Variants in GABRB1 observed in about 807,000 individuals in gnomAD.
GABRB1 encodes the protein gamma-aminobutyric acid type A receptor subunit beta1.
A neutral mutation model predicts 51.6 loss-of-function variants in GABRB1; 17 were observed. The ratio of observed to expected loss-of-function variants is 0.33; its 90% CI spans 0.23 to 0.49. The LOEUF (loss-of-function observed/expected upper bound fraction) is 0.49, where lower values mean the gene tolerates loss of function less well. GABRB1 is among the 20% of genes least tolerant of loss of function. The pLI is 0.99. For synonymous variants in GABRB1, 247 were observed against 218.9 expected, an observed-to-expected ratio of 1.13 and a Z score of -1.14; for missense variants, 410 against 600.6, an observed-to-expected ratio of 0.68 and a Z score of 3.32.
At chr4:46,996,880 T>C (rs531931271) in intron 1 of GABRB1, among the ~76,000 whole-genome samples, 43 of 152,272 alleles carry the variant, frequency 2.8e-4, no homozygotes, top group Non-Finnish European at 2.1e-4. Flanking sequence ...TAATTCTTTC[T>C]GGTAAAAATT....
chr4:47,246,299 TACACACACAC>T (rs59187371), intron 4 of GABRB1, among the ~76,000 whole-genome samples: 18 of 84,168 alleles, frequency 2.1e-4, no homozygotes, highest in Non-Finnish European at 3.9e-4. Context: ...TATATATATA[TACACACACAC>T]ACACACACAC....
At chr4:47,391,658 T>C (rs1727996840) in intron 5 of GABRB1, among the ~76,000 whole-genome samples, 1 of 152,332 alleles carries the variant, frequency 6.6e-6, no homozygotes, top group Non-Finnish European at 1.5e-5. Flanking sequence ...GACTTACCTG[T>C]AAGGCCTCTG....
At chr4:47,036,310 C>A (rs1239293708) in intron 3 of GABRB1, among the ~76,000 whole-genome samples, 1 of 152,118 alleles carries the variant, frequency 6.6e-6, no homozygotes, top group African/African-American at 2.4e-5. Flanking sequence ...TCAATTATAT[C>A]TCATTACTAT....
chr4:46,998,694 A>G (rs1251289412), intron 1 of GABRB1, among the ~76,000 whole-genome samples: 1 of 147,204 alleles, frequency 6.8e-6, no homozygotes, highest in Admixed American at 7.1e-5. Flanking sequence ...AGATTGTGCC[A>G]CTGCACTGCA....
In GABRB1 at chr4:47,152,107, C is replaced by T. The variant is rs769599921; in HGVS notation, c.241-9142C>T. Reference sequence around the variant, plus strand: ...TCTCTATGTTTTCAGGAATTATAGACTCATTCATTTTTGAGTTGTTAGAGA... The same window carrying T: ...TCTCTATGTTTTCAGGAATTATAGATTCATTCATTTTTGAGTTGTTAGAGA... On this transcript the variant is annotated intron_variant, in intron 3 of 8. Coordinates refer to ENST00000295454, the MANE Select transcript of GABRB1 (RefSeq NM_000812.4). Among the ~76,000 whole-genome samples, 145 of 151,960 alleles carry T rather than the reference C, an allele frequency of 9.5e-4. 2 individuals carry two copies. The highest frequency in any genetic ancestry group is 1.4e-3 in the Admixed American group (22 of 15,216).
At chr4:47,210,341 T>A (rs527523746) in intron 4 of GABRB1, among the ~76,000 whole-genome samples, 2 of 152,156 alleles carry the variant, frequency 1.3e-5, no homozygotes, top group Non-Finnish European at 2.9e-5. Context: ...GCAAAGCATA[T>A]GAATGAACTG....
intron 5 of GABRB1, among the ~76,000 whole-genome samples, chr4:47,343,589 C>T (rs1449179553): frequency 6.6e-6 from 1 of 152,080 alleles, no homozygotes; most frequent in African/African-American, 2.4e-5. Flanking sequence ...AAATAATGAC[C>T]TCACTGAGGA....
chr4:47,037,837 C>T (rs567178923), intron 3 of GABRB1, among the ~76,000 whole-genome samples: 6 of 152,110 alleles, frequency 3.9e-5, no homozygotes, highest in South Asian at 2.1e-4. Flanking sequence ...GCTGAGAGAG[C>T]GGGAAATGTT....
chr4:47,112,136 AT>A (rs1312918700), intron 3 of GABRB1, among the ~76,000 whole-genome samples: 1 of 151,374 alleles, frequency 6.6e-6, no homozygotes, highest in Admixed American at 6.6e-5. Flanking sequence ...TGCCTGGCTA[AT>A]TTTTTTTGTT....
chr4:47,048,162 T>C (rs1726181019), intron 3 of GABRB1, among the ~76,000 whole-genome samples: 2 of 152,126 alleles, frequency 1.3e-5, no homozygotes, highest in South Asian at 2.1e-4. Context: ...AATCCCCACA[T>C]TGTAATCACC....
chr4:47,081,664 T>A (rs767088041), intron 3 of GABRB1, among the ~76,000 whole-genome samples: 1 of 152,112 alleles, frequency 6.6e-6, no homozygotes, highest in Non-Finnish European at 1.5e-5. Context: ...TTTAATATGT[T>A]TTTATGTTTT....
intron 4 of GABRB1, among the ~76,000 whole-genome samples, chr4:47,233,108 T>C (rs1355635790): frequency 6.6e-6 from 1 of 152,152 alleles, no homozygotes; most frequent in Non-Finnish European, 1.5e-5. Context: ...ACTCCTGAGC[T>C]CAGGCAGTCC....
chr4:47,144,859 T>C (rs906770794), intron 3 of GABRB1, among the ~76,000 whole-genome samples: 3 of 151,430 alleles, frequency 2.0e-5, no homozygotes, highest in Non-Finnish European at 2.9e-5. Flanking sequence ...TTTGAGAGTA[T>C]AGAGTTGGGA....
rs571963827 is a variant in GABRB1 at position 47,188,483 on chromosome 4, A to C, written c.461+27014A>C. On this transcript the variant is annotated intron_variant, in intron 4 of 8. Transcript: ENST00000295454. ...TGTATTTTGGATGCCAAGGTAAATA[A>C]TGTTGTGTTTGTTAGACTGCAATCA... Among the ~76,000 whole-genome samples the C allele has an allele frequency of 7.9e-5, 12 of 151,936 alleles. 1 individual carries two copies. The highest frequency in any genetic ancestry group is 1.8e-4 in the Non-Finnish European group (12 of 67,922).
At chr4:47,220,902 C>T (rs1415375119) in intron 4 of GABRB1, among the ~76,000 whole-genome samples, 1 of 151,996 alleles carries the variant, frequency 6.6e-6, no homozygotes, top group Non-Finnish European at 1.5e-5. Context: ...CAAAGCATCG[C>T]TCTAATTAGC....
intron 5 of GABRB1, among the ~76,000 whole-genome samples, chr4:47,371,430 TAC>T (rs1727192152): frequency 6.6e-6 from 1 of 152,232 alleles, no homozygotes; most frequent in Non-Finnish European, 1.5e-5. Context: ...TGGAATGACT[TAC>T]ATTCTTTTGA....
intron 4 of GABRB1, among the ~76,000 whole-genome samples, chr4:47,194,509 GTCT>G (rs372065092): frequency 6.6e-6 from 1 of 152,092 alleles, no homozygotes; most frequent in African/African-American, 2.4e-5. Flanking sequence ...TAAATTTTTA[GTCT>G]TCTTTTTGCT....
At chr4:47,107,721 T>G (rs1320210280) in intron 3 of GABRB1, among the ~76,000 whole-genome samples, 1 of 152,058 alleles carries the variant, frequency 6.6e-6, no homozygotes, top group Non-Finnish European at 1.5e-5. Flanking sequence ...AATTAACTAA[T>G]ATTTGTAGGT....
chr4:47,156,739 G>A (rs538581810), intron 3 of GABRB1, among the ~76,000 whole-genome samples: 3 of 151,912 alleles, frequency 2.0e-5, no homozygotes, highest in African/African-American at 4.8e-5. Flanking sequence ...GGGACCGAGG[G>A]GGGGCAGATC....
Sources: allele counts gnomAD v4.1 joint callset (sites outside exome capture counted in the v4.1 genomes callset), GRCh38; gene constraint gnomAD v4.1.1; transcripts MANE v1.5; gene names NCBI Gene and HGNC (gene_info 2026-07-23, HGNC 2026-07-21).